KLK14: variants seen among roughly 807,000 people sequenced by gnomAD.
KLK14 encodes the protein kallikrein-14.
KLK14 carries 21 observed loss-of-function variants against 24.6 expected under a neutral mutation model. The observed-to-expected ratio is 0.85, with a 90% confidence interval of 0.61 to 1.23. The LOEUF (loss-of-function observed/expected upper bound fraction) is 1.23. Ranked by LOEUF, KLK14 falls within the 50% of genes most tolerant of loss-of-function variation. The probability of loss-of-function intolerance (pLI) is 0.00; values close to 1 mark genes in which losing one functional copy is unlikely to be tolerated. For missense variants in KLK14, 320 were observed against 338.9 expected, an observed-to-expected ratio of 0.94 and a Z score of 0.44; for synonymous variants, 133 against 139.7, an observed-to-expected ratio of 0.95 and a Z score of 0.34.
At position 51,078,856 on chromosome 19, in the gene KLK14, C is replaced by T. The variant is rs763277116; in HGVS notation, c.562G>A (p.Val188Ile). The change falls in exon 5 of 6, where the codon GTC (valine) becomes ATC (isoleucine). Residue 188 changes from valine to isoleucine, a missense_variant. Coordinates refer to ENST00000650543, the MANE Select transcript of KLK14 (RefSeq NM_001369775.2). This position sits in a 1 kb window ranked among gnomAD's most constrained non-coding sequence, Gnocchi z 5.0. ...AYPRTITPGM[V>I]CAGVPQGGKD... The stretch of plus-strand genomic sequence containing the variant: ...CCGCCCTGGGGAACTCCTGCACAGA[C>T]CATGCCAGGCGTGATGGTTCTAGGA... The T allele has an allele frequency of 6.2e-7, 1 of 1,614,090 alleles. No homozygotes were observed. The highest frequency in any genetic ancestry group is 8.5e-7 in the Non-Finnish European group (1 of 1,179,946).
intron 1 of KLK14, 41 bp downstream of exon 1, chr19:51,082,681 G>A (rs1254216327): frequency 6.2e-7 from 1 of 1,614,160 alleles, no homozygotes; most frequent in Non-Finnish European, 8.5e-7. Context: ...ACCTTCAACA[G>A]AACCGGGGGC....
Position 51,082,707 on chromosome 19 carries a change from G to A in KLK14, c.-23+15C>T. 1 of 1,614,164 alleles carries A rather than the reference G, an allele frequency of 6.2e-7. No individual in the cohort carries two copies. The highest frequency in any genetic ancestry group is 1.1e-5 in the South Asian group (1 of 91,082). ...AACCGGGGGCTGAGAGGCAGAGACA[G>A]CAAGGGGCACTTACCCAGAGCCCAA... On this transcript the variant is annotated intron_variant, in intron 1 of 5. Transcript: ENST00000650543.
chr19:51,081,490 T>C (rs527433363), intron 3 of KLK14, 42 bp downstream of exon 3: 26 of 1,433,974 alleles, frequency 1.8e-5, no homozygotes, highest in Non-Finnish European at 1.6e-5. Flanking sequence ...CTTTAGACTC[T>C]GGAATTCACT....
chr19:51,081,839 C>A, intron 2 of KLK14, 136 bp from the exon 3 acceptor site: 1 of 784,192 alleles, frequency 1.3e-6, no homozygotes, highest in Non-Finnish European at 1.9e-6. Flanking sequence ...ATCTGTCCCA[C>A]CCAGGGTGAG....
In KLK14 at chr19:51,079,551, G is replaced by A. The variant is rs112658494; in HGVS notation, c.364C>T (p.Arg122Trp). ...LMLLQLQQPA[R>W]IGRAVRPIEV... ...ATGGGCCTGACTGCCCTCCCGATCC[G>A]TGCGGGCTGCTGTAGCTGCAGCAGC... is the stretch of plus-strand genomic sequence containing the variant. The change falls in exon 4 of 6, where the codon CGG becomes TGG. Residue 122 changes from arginine (R) to tryptophan (W), a missense_variant. Coordinates refer to ENST00000650543, the MANE Select transcript of KLK14 (RefSeq NM_001369775.2). 9.7e-3 allele frequency: 15,714 copies of A among 1,613,930 alleles called. 96 individuals are homozygous for A. The highest frequency in any genetic ancestry group is 0.014 in the Middle Eastern group (86 of 6,062).
At position 51,078,228 on chromosome 19, in the gene KLK14, C is replaced by T. The variant is rs185904542; in HGVS notation, c.604-69G>A. ...CCAGAGCCACCATGGCACAGAGAACCCGAGAAGCAGACACAGGGAGACAGG... is the reference window on the plus strand; with the variant it reads ...CCAGAGCCACCATGGCACAGAGAACTCGAGAAGCAGACACAGGGAGACAGG... On this transcript the variant is annotated intron_variant, in intron 5 of 5. Coordinates refer to ENST00000650543, the MANE Select transcript of KLK14 (RefSeq NM_001369775.2). This position sits in a 1 kb window ranked among gnomAD's most constrained non-coding sequence, Gnocchi z 5.0. The T allele has an allele frequency of 6.5e-4, 990 of 1,520,888 alleles. 3 individuals are homozygous for T. Among genetic ancestry groups the T allele is most frequent in the African/African-American group, 3.8e-3 (277 of 73,030 alleles). 94.2% of individuals were successfully genotyped at this position (1,520,888 alleles called of 1,614,324 possible).
rs762917026 is a variant in KLK14, at chr19:51,081,539, C to T, written c.205G>A (p.Gly69Ser). The T allele has an allele frequency of 1.5e-5, 23 of 1,517,904 alleles. No homozygotes were observed. In the East Asian group the frequency reaches 1.7e-4, roughly 11 times the overall value. The allele number at this position is 1,517,904 out of a possible 1,614,324, so 94.0% of individuals were successfully genotyped here. Reference sequence around the variant, plus strand: ...GGGGAGGGGGTCACTTACGGGCGGCCGCAGTGAGCAGCAGTGATGACCCAC... The same window carrying T: ...GGGGAGGGGGTCACTTACGGGCGGCTGCAGTGAGCAGCAGTGATGACCCAC... ...GQWVITAAHC[G>S]RPILQVALGK... Residue 69 changes from glycine (G) to serine (S), a missense_variant, in exon 3 of 6, where the codon GGC becomes AGC. Gly to Ser is a moderately conservative substitution (Grantham distance 56). Transcript: ENST00000650543.
chr19:51,079,704 T>C lies in KLK14; in HGVS notation c.213-2A>G. Reference sequence around the variant, plus strand: ...TTGCCCAGGGCAACCTGAAGGATCCTGGCCACGACCCCCAAGAGAAGCGCT... The same window carrying C: ...TTGCCCAGGGCAACCTGAAGGATCCCGGCCACGACCCCCAAGAGAAGCGCT... On this transcript the variant is annotated splice_acceptor_variant, in intron 3 of 5. Coordinates refer to ENST00000650543, the MANE Select transcript of KLK14 (RefSeq NM_001369775.2). LOFTEE classifies it high-confidence loss of function. 1.9e-6 allele frequency: 3 copies of C among 1,551,594 alleles called. No homozygotes were observed. Among genetic ancestry groups the C allele is most frequent in the Non-Finnish European group, 2.6e-6 (3 of 1,148,878 alleles).
rs1183187959 is a variant in KLK14 at position 51,078,115 on chromosome 19, G to T, written c.648C>A (p.Gly216=). 6.2e-7 allele frequency: 1 copy of T among 1,613,896 alleles called. No individual in the cohort carries two copies. Among genetic ancestry groups the T allele is most frequent in the South Asian group, 1.1e-5 (1 of 91,084 alleles). ...GPLVCRGQLQ[G]LVSWGMERCA... ...AGCGCTCCATTCCCCAAGACACGAG[G>T]CCCTGGAGCTGTCCTCTGCACACCA... The change falls in exon 6 of 6, where the codon GGC becomes GGA. Residue 216 remains glycine, a synonymous_variant. Transcript: ENST00000650543. The surrounding 1 kb of genome is among the most constrained non-coding windows in gnomAD (Gnocchi z 5.0).
At chr19:51,083,349 CACAG>C (rs1480502808), upstream of KLK14, among the ~76,000 whole-genome samples, 2 of 127,082 alleles carry the variant, frequency 1.6e-5, no homozygotes, top group African/African-American at 3.1e-5. Flanking sequence ...CAGAGAGACA[CACAG>C]ACAGAGAGAG....
chr19:51,081,311 T>C (rs1234361064), intron 3 of KLK14, among the ~76,000 whole-genome samples: 4 of 152,110 alleles, frequency 2.6e-5, no homozygotes, highest in Non-Finnish European at 5.9e-5. Context: ...GTCCATGGGT[T>C]CCAAGCTGCC....
At chr19:51,082,369 C>A (rs866259585) in intron 2 of KLK14, among the ~76,000 whole-genome samples, 1 of 152,102 alleles carries the variant, frequency 6.6e-6, no homozygotes, top group East Asian at 1.9e-4. Flanking sequence ...CTTATAAACA[C>A]CTCTCTCCCC....
Position 51,079,464 on chromosome 19 carries a change from T to C in KLK14, c.451A>G (p.Ile151Val). The part of the protein sequence containing the change: ...TSCRVSGWGT[I>V]SSPIARYPAS... ...GAGTCCTCACCGATGGGGCTGGATA[T>C]AGTTCCCCAGCCTGACACTCGGCAG... is the stretch of plus-strand genomic sequence containing the variant. The change falls in exon 4 of 6, where the codon ATA becomes GTA. Residue 151 changes from isoleucine (I) to valine (V), a missense_variant. Ile to Val is a conservative substitution (Grantham distance 29). Transcript: ENST00000650543. The C allele has an allele frequency of 1.2e-6, 2 of 1,612,746 alleles. No individual in the cohort carries two copies. Among genetic ancestry groups the C allele is most frequent in the Non-Finnish European group, 8.5e-7 (1 of 1,179,568 alleles).
Position 51,081,553 on chromosome 19 carries a change from G to GTGA in KLK14, c.188_190dup (p.Ile63dup). ...TTACGGGCGGCCGCAGTGAGCAGCAGTGATGACCCACTGGCCTGAAAGCAG... is the reference window on the plus strand; with the variant it reads ...TTACGGGCGGCCGCAGTGAGCAGCAGTGATGATGACCCACTGGCCTGAAAGCAG... On this transcript the variant is annotated inframe_insertion, in exon 3 of 6. Coordinates refer to ENST00000650543, the MANE Select transcript of KLK14 (RefSeq NM_001369775.2). 3 of 1,539,204 alleles carry GTGA rather than the reference G, an allele frequency of 1.9e-6. No homozygotes were observed. Among genetic ancestry groups the GTGA allele is most frequent in the Non-Finnish European group, 2.6e-6 (3 of 1,139,682 alleles).
chr19:51,077,648 C>T (rs955276931), downstream of KLK14: 18 of 216,020 alleles, frequency 8.3e-5, no homozygotes, highest in South Asian at 2.1e-4. Flanking sequence ...GGGACTGGGG[C>T]TCCTGGGTCT....
chr19:51,078,120 G>T lies in KLK14; in HGVS notation c.643C>A (p.Gln215Lys). ...GGPLVCRGQLQGLVSWGMERC... is the reference protein window; with the variant it reads ...GGPLVCRGQLKGLVSWGMERC... ...TCCATTCCCCAAGACACGAGGCCCT[G>T]GAGCTGTCCTCTGCACACCAGGGGT... The change falls in exon 6 of 6, where the codon CAG becomes AAG. Residue 215 changes from glutamine (Q) to lysine (K), a missense_variant. By Grantham distance (53) the Gln-to-Lys change is moderately conservative. Transcript: ENST00000650543. This position sits in a 1 kb window ranked among gnomAD's most constrained non-coding sequence, Gnocchi z 5.0. 1 of 1,613,904 alleles carries T rather than the reference G, an allele frequency of 6.2e-7. No homozygotes were observed. Among genetic ancestry groups the T allele is most frequent in the Non-Finnish European group, 8.5e-7 (1 of 1,179,886 alleles).
chr19:51,079,761 C>T (rs1438209649), intron 3 of KLK14, 59 bp from the exon 4 acceptor site: 17 of 1,502,034 alleles, frequency 1.1e-5, no homozygotes, highest in African/African-American at 1.1e-4. Flanking sequence ...CTCCTCCCCA[C>T]CCTCCAGCCC....
chr19:51,083,221 C>T (rs566812457), upstream of KLK14, among the ~76,000 whole-genome samples: 23 of 147,670 alleles, frequency 1.6e-4, no homozygotes, highest in Admixed American at 2.7e-4. Flanking sequence ...GGAAAGGGCA[C>T]GAAGGGGCTG....
chr19:51,077,880 G>A, downstream of KLK14: 1 of 1,042,134 alleles, frequency 9.6e-7, no homozygotes, highest in Non-Finnish European at 1.4e-6. Flanking sequence ...CGGGTCTGAG[G>A]GAGGAGGGGC....
Sources: gnomAD v4.1 joint callset for allele counts (sites outside exome capture counted in the v4.1 genomes callset) on GRCh38, gnomAD v4.1.1 for gene constraint, Gnocchi (gnomAD v3.1) non-coding constraint, MANE v1.5 for transcripts, NCBI Gene and HGNC (gene_info 2026-07-23, HGNC 2026-07-21) for gene names.